Variants in NSMCE2 observed in about 807,000 individuals in gnomAD.
NSMCE2 encodes NSE2 SUMO ligase component of SMC5/6 complex, also known as E3 SUMO-protein ligase NSE2.
A neutral mutation model predicts 23.8 loss-of-function variants in NSMCE2; 24 were observed. That is an observed-to-expected ratio of 1.01 (90% CI 0.73 to 1.42). The LOEUF (loss-of-function observed/expected upper bound fraction) is 1.42. Ranked by LOEUF, NSMCE2 falls within the 40% of genes most tolerant of loss-of-function variation. NSMCE2 has a pLI of 0.00. For synonymous variants in NSMCE2, 92 were observed against 94.1 expected (o/e 0.98, Z 0.13); for missense variants, 284 against 296.5 (o/e 0.96, Z 0.31).
At chr8:125,132,079 G>A (rs1425242769) in intron 3 of NSMCE2, among the ~76,000 whole-genome samples, 2 of 152,130 alleles carry the variant, frequency 1.3e-5, no homozygotes, top group South Asian at 2.1e-4. Context: ...AAATATATGT[G>A]TATTCATATT....
rs1455960780 is a variant in NSMCE2, at chr8:125,199,045, AT to A, written c.418+16796del. On this transcript the variant is annotated intron_variant, in intron 5 of 7. Transcript: ENST00000287437. ...GATTGGTGGTGATATCCCCTTTATCATTTTTTTATTGCGTCTGTATGATTCC... is the reference window on the plus strand; with the variant it reads ...GATTGGTGGTGATATCCCCTTTATCATTTTTTATTGCGTCTGTATGATTCC... Among the ~76,000 whole-genome samples, 115 of 152,014 alleles carry A rather than the reference AT, an allele frequency of 7.6e-4. 1 individual carries two copies. Among genetic ancestry groups the A allele is most frequent in the African/African-American group, 2.6e-3 (109 of 41,452 alleles).
intron 5 of NSMCE2, chr8:125,182,709 A>G (rs1164019224): frequency 5.7e-6 from 1 of 176,218 alleles, no homozygotes; most frequent in African/African-American, 2.4e-5. Flanking sequence ...ACTATAGACC[A>G]AAATCTCCTT....
At chr8:125,166,854 C>T (rs1229799105) in intron 4 of NSMCE2, among the ~76,000 whole-genome samples, 2 of 152,158 alleles carry the variant, frequency 1.3e-5, no homozygotes, top group African/African-American at 2.4e-5. Flanking sequence ...AAGTCTTTTA[C>T]GTTCCTCAGG....
At chr8:125,153,302 A>C (rs991029300) in intron 4 of NSMCE2, among the ~76,000 whole-genome samples, 18 of 152,194 alleles carry the variant, frequency 1.2e-4, no homozygotes, top group African/African-American at 4.3e-4. Context: ...TCCGATGCTT[A>C]TCAGGAAGGT....
At chr8:125,094,097 C>A (rs1038361140) in intron 1 of NSMCE2, among the ~76,000 whole-genome samples, 1 of 151,996 alleles carries the variant, frequency 6.6e-6, no homozygotes, top group Admixed American at 6.6e-5. Context: ...AGCCACCACA[C>A]CCAGCCTGAA....
chr8:125,333,629 C>T (rs1586784644), intron 5 of NSMCE2, among the ~76,000 whole-genome samples: 1 of 148,748 alleles, frequency 6.7e-6, no homozygotes, highest in South Asian at 2.1e-4. Flanking sequence ...ATTCTCCTGC[C>T]TCAGCCTCCC....
rs1164255518 is a variant in NSMCE2 at position 125,114,942 on chromosome 8, T to C, written c.157+12455T>C. On this transcript the variant is annotated intron_variant, in intron 3 of 7. Transcript: ENST00000287437. ...CTGGCAGTTAAGGCTTTTCCTTATT[T>C]TCAGAGTTGATAGCATTCCTCGTGT... Among the ~76,000 whole-genome samples the C allele has an allele frequency of 2.6e-5, 4 of 152,366 alleles. No individual in the cohort carries two copies. The South Asian group carries it at 8.3e-4, about 32-fold the overall frequency.
At chr8:125,103,724 A>G (rs1388723337) in intron 3 of NSMCE2, among the ~76,000 whole-genome samples, 1 of 152,142 alleles carries the variant, frequency 6.6e-6, no homozygotes, top group Non-Finnish European at 1.5e-5. Context: ...AAGTTCATTC[A>G]TCTTGTCTAC....
At chr8:125,129,544 C>CTGTGTGTGTGTGTG (rs10578122) in intron 3 of NSMCE2, among the ~76,000 whole-genome samples, 95 of 145,464 alleles carry the variant, frequency 6.5e-4, no homozygotes, top group Admixed American at 1.3e-3. Flanking sequence ...AGATTTGGCT[C>CTGTGTGTGTGTGTG]TGTGTGTGTG....
At chr8:125,298,687 G>GTTT (rs35334691) in intron 5 of NSMCE2, among the ~76,000 whole-genome samples, 27 of 85,960 alleles carry the variant, frequency 3.1e-4, no homozygotes, top group Non-Finnish European at 3.8e-4. Flanking sequence ...TCATCTGTGG[G>GTTT]TTTTTTTTTG....
chr8:125,188,367 A>T (rs1019875850), intron 5 of NSMCE2, among the ~76,000 whole-genome samples: 2 of 152,172 alleles, frequency 1.3e-5, no homozygotes, highest in Non-Finnish European at 2.9e-5. Context: ...TTACCATAGC[A>T]CAGGTCCTTG....
intron 5 of NSMCE2, among the ~76,000 whole-genome samples, chr8:125,255,111 C>G (rs1443899816): frequency 1.3e-5 from 2 of 151,982 alleles, no homozygotes; most frequent in Non-Finnish European, 2.9e-5. Context: ...GTGATGAAGC[C>G]TAAAGACCCA....
At chr8:125,205,631 A>C (rs185726713) in intron 5 of NSMCE2, among the ~76,000 whole-genome samples, 117 of 152,282 alleles carry the variant, frequency 7.7e-4, no homozygotes, top group African/African-American at 2.5e-3. Flanking sequence ...CAGAATACCA[A>C]GTTGTGAGAA....
chr8:125,111,659 G>A (rs893100812), intron 3 of NSMCE2, among the ~76,000 whole-genome samples: 5 of 152,144 alleles, frequency 3.3e-5, no homozygotes, highest in African/African-American at 9.7e-5. Context: ...AATTAGCTGG[G>A]TGTGGTGGTG....
At chr8:125,194,738 C>T (rs773350431) in intron 5 of NSMCE2, among the ~76,000 whole-genome samples, 3 of 152,078 alleles carry the variant, frequency 2.0e-5, no homozygotes, top group African/African-American at 4.8e-5. Flanking sequence ...AATGGACAAA[C>T]TGTTTTTCAA....
At chr8:125,192,420 A>G (rs1823396405) in intron 5 of NSMCE2, among the ~76,000 whole-genome samples, 1 of 151,418 alleles carries the variant, frequency 6.6e-6, no homozygotes, top group Non-Finnish European at 1.5e-5. Flanking sequence ...GACATGGTTT[A>G]CTCATTAACT....
chr8:125,315,381 C>T (rs1427017233), intron 5 of NSMCE2, among the ~76,000 whole-genome samples: 1 of 152,168 alleles, frequency 6.6e-6, no homozygotes, highest in East Asian at 1.9e-4. Flanking sequence ...TGCACTGTAG[C>T]ACAGTGAGGG....
At chr8:125,192,078 T>C (rs1823364869) in intron 5 of NSMCE2, among the ~76,000 whole-genome samples, 1 of 152,198 alleles carries the variant, frequency 6.6e-6, no homozygotes, top group African/African-American at 2.4e-5. Context: ...TCTGGGTGTT[T>C]CTCTCATTGT....
chr8:125,170,605 A>G (rs2130765190), intron 4 of NSMCE2, among the ~76,000 whole-genome samples: 1 of 151,738 alleles, frequency 6.6e-6, no homozygotes, highest in Admixed American at 6.6e-5. Context: ...ATGGGGTTTC[A>G]CCATGTTGGC....
Sources: gnomAD v4.1 joint callset for allele counts (sites outside exome capture counted in the v4.1 genomes callset) on GRCh38, gnomAD v4.1.1 for gene constraint, MANE v1.5 for transcripts, NCBI Gene and HGNC (gene_info 2026-07-23, HGNC 2026-07-21) for gene names.